The following CCNJL variants were observed in gnomAD, a reference collection of about 807,000 sequenced individuals.
CCNJL encodes the protein cyclin-J-like protein.
In CCNJL, 33 loss-of-function variants were observed where a neutral mutation model predicts 33.4. That is an observed-to-expected ratio of 0.99 (90% CI 0.75 to 1.32). CCNJL has a LOEUF of 1.32. CCNJL is among the 40% of genes most tolerant of loss of function. The pLI is 0.00. For synonymous variants in CCNJL, 227 were observed against 220.9 expected, an observed-to-expected ratio of 1.03 and a Z score of -0.24; for missense variants, 512 against 499.7, an observed-to-expected ratio of 1.02 and a Z score of -0.23.
At chr5:160,313,068 A>G (rs963984923), upstream of CCNJL, 2 of 152,144 alleles carry the variant, frequency 1.3e-5, no homozygotes, top group East Asian at 3.8e-4. Flanking sequence ...TTCACCCACG[A>G]GTCCCTAATT....
chr5:160,310,188 C>T (rs1421637489), intron 2 of CCNJL, among the ~76,000 whole-genome samples: 1 of 152,168 alleles, frequency 6.6e-6, no homozygotes, highest in East Asian at 1.9e-4. Context: ...CACGGCAGTC[C>T]TCACTAGCTC....
At chr5:160,334,409 G>T (rs369669431) in intron 1 of CCNJL, among the ~76,000 whole-genome samples, 1 of 152,202 alleles carries the variant, frequency 6.6e-6, no homozygotes, top group South Asian at 2.1e-4. Flanking sequence ...AATCCATGCC[G>T]ATGGCCTCAC....
chr5:160,291,459 T>C (rs1271584954), intron 2 of CCNJL, among the ~76,000 whole-genome samples: 1 of 152,198 alleles, frequency 6.6e-6, no homozygotes, highest in Non-Finnish European at 1.5e-5. Context: ...AATATAACTT[T>C]GGAAAACTCT....
chr5:160,268,566 G>C (rs1440222447), intron 3 of CCNJL, among the ~76,000 whole-genome samples: 2 of 152,200 alleles, frequency 1.3e-5, no homozygotes, highest in African/African-American at 4.8e-5. Flanking sequence ...GTGTAGGGGA[G>C]AGAGAAAGCC....
intron 1 of CCNJL, among the ~76,000 whole-genome samples, chr5:160,330,715 G>A (rs1474375430): frequency 6.6e-6 from 1 of 151,662 alleles, no homozygotes; most frequent in Non-Finnish European, 1.5e-5. Context: ...CCAGGCTGGA[G>A]TGCAGTGGTG....
At chr5:160,282,984 T>TATATATATATATATATATATATATACAC (rs1762277559) in intron 2 of CCNJL, among the ~76,000 whole-genome samples, 11 of 58,096 alleles carry the variant, frequency 1.9e-4, no homozygotes, top group Non-Finnish European at 2.2e-4. Flanking sequence ...TATATATATA[T>TATATATATATATATATATATATATACAC]ATATATATAT....
At chr5:160,271,523 G>GCT (rs1254370434) in intron 3 of CCNJL, among the ~76,000 whole-genome samples, 2 of 152,150 alleles carry the variant, frequency 1.3e-5, no homozygotes, top group African/African-American at 4.8e-5. Flanking sequence ...CCCTGAAACA[G>GCT]CTCTAAGCCT....
chr5:160,278,150 G>A (rs1008276624), intron 3 of CCNJL, among the ~76,000 whole-genome samples: 7 of 152,042 alleles, frequency 4.6e-5, no homozygotes, highest in African/African-American at 1.7e-4. Context: ...CAGGTTATCC[G>A]ACTGGCCTGG....
intron 2 of CCNJL, among the ~76,000 whole-genome samples, chr5:160,300,682 T>C (rs1762893937): frequency 6.6e-6 from 1 of 152,046 alleles, no homozygotes; most frequent in Admixed American, 6.6e-5. Flanking sequence ...AGGTTCCCAC[T>C]CTTTTTTTTA....
chr5:160,274,545 C>A (rs76623030), intron 3 of CCNJL, among the ~76,000 whole-genome samples: 1,918 of 152,298 alleles, frequency 0.013, 22 homozygotes, highest in East Asian at 0.051. Context: ...GCTAAGGGAC[C>A]CTGCTCTGCA....
At chr5:160,275,572 C>T (rs989496120) in intron 3 of CCNJL, among the ~76,000 whole-genome samples, 5 of 152,102 alleles carry the variant, frequency 3.3e-5, no homozygotes, top group African/African-American at 9.7e-5. Context: ...TCAACCTCCA[C>T]CTCCTGGGCT....
At chr5:160,312,154 C>T (rs1007050793) in intron 1 of CCNJL, among the ~76,000 whole-genome samples, 182 bp from the exon 2 acceptor site, 1 of 152,228 alleles carries the variant, frequency 6.6e-6, no homozygotes, top group African/African-American at 2.4e-5. Flanking sequence ...CTCTGCTCGC[C>T]GGACACGGGG....
intron 2 of CCNJL, among the ~76,000 whole-genome samples, chr5:160,289,238 A>G (rs79199065): frequency 0.016 from 2,381 of 152,240 alleles, 48 homozygotes; most frequent in African/African-American, 0.053. Context: ...TGCCCCCCAC[A>G]GAAGGGGGTT....
chr5:160,282,040 A>G (rs1762231914), intron 2 of CCNJL, among the ~76,000 whole-genome samples: 3 of 152,256 alleles, frequency 2.0e-5, no homozygotes, highest in African/African-American at 7.2e-5. Context: ...GGAAAACAGG[A>G]AATAAGTTGG....
At chr5:160,321,903 A>T (rs556577959) in intron 1 of CCNJL, among the ~76,000 whole-genome samples, 1 of 152,060 alleles carries the variant, frequency 6.6e-6, no homozygotes, top group African/African-American at 2.4e-5. Context: ...ACCTCCCCCA[A>T]CCCTGCCCCC....
chr5:160,269,713 T>C (rs1286572027), intron 3 of CCNJL, among the ~76,000 whole-genome samples: 1 of 151,538 alleles, frequency 6.6e-6, no homozygotes, highest in Non-Finnish European at 1.5e-5. Flanking sequence ...TGCCCAGGAG[T>C]CTCCCAGCAA....
intron 2 of CCNJL, among the ~76,000 whole-genome samples, chr5:160,309,365 A>T (rs1046270251): frequency 6.6e-6 from 1 of 152,172 alleles, no homozygotes; most frequent in Non-Finnish European, 1.5e-5. Flanking sequence ...CGTCTCAGTG[A>T]TCTCAACTTC....
At chr5:160,324,046 A>G (rs1331721915) in intron 1 of CCNJL, among the ~76,000 whole-genome samples, 1 of 152,172 alleles carries the variant, frequency 6.6e-6, no homozygotes, top group African/African-American at 2.4e-5. Flanking sequence ...CCAACTACAG[A>G]TCTTGGGACT....
chr5:160,298,094 A>T (rs1018778579), intron 2 of CCNJL, among the ~76,000 whole-genome samples: 2 of 152,198 alleles, frequency 1.3e-5, no homozygotes, highest in Admixed American at 1.3e-4. Flanking sequence ...TAAGGCTTTA[A>T]CTACCTTGCT....
Sources: gnomAD v4.1 joint callset for allele counts (sites outside exome capture counted in the v4.1 genomes callset) on GRCh38, gnomAD v4.1.1 for gene constraint, MANE v1.5 for transcripts, NCBI Gene and HGNC (gene_info 2026-07-23, HGNC 2026-07-21) for gene names.